The following RCBTB2 variants were observed in gnomAD, a reference collection of about 807,000 sequenced individuals.
The protein encoded by RCBTB2 is RCC1 and BTB domain containing protein 2, also known as RCC1 and BTB domain-containing protein 2.
A neutral mutation model predicts 65.4 loss-of-function variants in RCBTB2; 55 were observed. That is an observed-to-expected ratio of 0.84 (90% CI 0.68 to 1.05). The LOEUF (loss-of-function observed/expected upper bound fraction) is 1.05. RCBTB2 is among the 50% of genes least tolerant of loss of function. The probability of loss-of-function intolerance (pLI) is 0.00; values close to 1 mark genes in which losing one functional copy is unlikely to be tolerated. For missense variants in RCBTB2, 599 were observed against 680.1 expected, an observed-to-expected ratio of 0.88 and a Z score of 1.33; for synonymous variants, 220 against 255.2, an observed-to-expected ratio of 0.86 and a Z score of 1.31.
At chr13:48,502,261 C>T (rs188848952) in intron 11 of RCBTB2, among the ~76,000 whole-genome samples, 155 of 152,240 alleles carry the variant, frequency 1.0e-3, no homozygotes, top group Non-Finnish European at 1.7e-3. Flanking sequence ...GGGGCAGAGA[C>T]AGAAAGATGG....
chr13:48,502,353 C>T (rs907463976), intron 11 of RCBTB2, among the ~76,000 whole-genome samples: 1 of 151,798 alleles, frequency 6.6e-6, no homozygotes, highest in East Asian at 1.9e-4. Context: ...ATTAGCCAGG[C>T]ATGGTAATGG....
chr13:48,504,705 C>G (rs1312238065), intron 10 of RCBTB2, among the ~76,000 whole-genome samples: 1 of 152,222 alleles, frequency 6.6e-6, no homozygotes, highest in Non-Finnish European at 1.5e-5. Context: ...CTATGGGTCA[C>G]TTTACTGACT....
At chr13:48,520,688 A>T (rs1346082555) in intron 4 of RCBTB2, among the ~76,000 whole-genome samples, 1 of 152,212 alleles carries the variant, frequency 6.6e-6, no homozygotes, top group Non-Finnish European at 1.5e-5. Context: ...TGAGTGTGTG[A>T]TACCTGTATA....
chr13:48,512,685 T>C, intron 7 of RCBTB2, 44 bp downstream of exon 7: 1 of 1,530,426 alleles, frequency 6.5e-7, no homozygotes. Context: ...GTCTACATAA[T>C]CTTATTGAAA....
rs188133990 is a variant in RCBTB2, at chr13:48,505,046, C to A, written c.927-2132G>T. 6.6e-4 allele frequency among the ~76,000 whole-genome samples: 96 copies of A among 144,968 alleles called. 1 individual carries two copies. In the East Asian group the frequency reaches 0.01, roughly 16 times the overall value. On this transcript the variant is annotated intron_variant, in intron 10 of 14. Transcript: ENST00000344532. ...TCAAACCTAGGTTTGTTTTTTATTTCTTTCTTTTTTTTTTTTTTTCTTGCA... is the reference window on the plus strand; with the variant it reads ...TCAAACCTAGGTTTGTTTTTTATTTATTTCTTTTTTTTTTTTTTTCTTGCA...
intron 6 of RCBTB2, 33 bp downstream of exon 6, chr13:48,515,172 A>G: frequency 1.3e-6 from 2 of 1,596,160 alleles, no homozygotes; most frequent in Non-Finnish European, 1.7e-6. Flanking sequence ...GCTGCGAATA[A>G]AGCTGAAATT....
chr13:48,491,664 C>T (rs1949705814), intron 14 of RCBTB2: 2 of 152,196 alleles, frequency 1.3e-5, no homozygotes, highest in African/African-American at 2.4e-5. Context: ...ACACCACACA[C>T]ATTAGAGTGT....
chr13:48,502,154 T>C (rs1950265138), intron 11 of RCBTB2, among the ~76,000 whole-genome samples: 1 of 143,696 alleles, frequency 7.0e-6, no homozygotes, highest in South Asian at 2.1e-4. Context: ...GTAAATACGC[T>C]AGTTAAAAGT....
rs1950154230 is a variant in RCBTB2, at chr13:48,499,853, T to C, written c.1245-93A>G. On this transcript the variant is annotated intron_variant, in intron 12 of 14. Coordinates refer to ENST00000344532, the MANE Select transcript of RCBTB2 (RefSeq NM_001268.4). Reference sequence around the variant, plus strand: ...ACGTTCTTCTCTCGAAGGTGCACGCTGGCACGTCCCTGCTGTGGCTCCTCA... The same window carrying C: ...ACGTTCTTCTCTCGAAGGTGCACGCCGGCACGTCCCTGCTGTGGCTCCTCA... The C allele has an allele frequency of 4.2e-6, 6 of 1,422,018 alleles. No individual in the cohort carries two copies. In the South Asian group the frequency reaches 7.6e-5, roughly 18 times the overall value. 88.1% of individuals were successfully genotyped at this position (1,422,018 alleles called of 1,614,324 possible).
intron 4 of RCBTB2, among the ~76,000 whole-genome samples, chr13:48,518,879 C>A (rs944560865): frequency 6.6e-6 from 1 of 152,046 alleles, no homozygotes; most frequent in Non-Finnish European, 1.5e-5. Context: ...TTCTATGAGG[C>A]CTTCGTTTTT....
intron 4 of RCBTB2, among the ~76,000 whole-genome samples, chr13:48,517,096 G>A (rs1951133482): frequency 6.6e-6 from 1 of 152,098 alleles, no homozygotes; most frequent in Non-Finnish European, 1.5e-5. Flanking sequence ...TCCACCTTAG[G>A]AGAGCACAAG....
chr13:48,510,430 G>A (rs1950717615), intron 10 of RCBTB2, among the ~76,000 whole-genome samples, 199 bp downstream of exon 10: 1 of 152,146 alleles, frequency 6.6e-6, no homozygotes, highest in Non-Finnish European at 1.5e-5. Flanking sequence ...TGAAACATGG[G>A]TAAGTGAAAA....
intron 12 of RCBTB2, among the ~76,000 whole-genome samples, chr13:48,501,242 C>T (rs1419403285): frequency 1.3e-5 from 2 of 152,204 alleles, no homozygotes; most frequent in Non-Finnish European, 2.9e-5. Context: ...GCACACAGCT[C>T]ATTGCTCAAA....
intron 14 of RCBTB2, among the ~76,000 whole-genome samples, chr13:48,495,395 A>G (rs115187103): frequency 0.029 from 3,940 of 136,630 alleles, 154 homozygotes; most frequent in African/African-American, 0.13. Context: ...AAAAATAAAA[A>G]TAGGATAAGT....
intron 14 of RCBTB2, among the ~76,000 whole-genome samples, chr13:48,493,321 T>TCTCTCTCC (rs1949816585): frequency 8.6e-6 from 1 of 116,686 alleles, no homozygotes; most frequent in Non-Finnish European, 1.6e-5. Context: ...ACACACTCTC[T>TCTCTCTCC]CTCTCTCTCT....
At position 48,512,071 on chromosome 13, in the gene RCBTB2, A is replaced by G. The variant is rs758890195; in HGVS notation, c.620T>C (p.Val207Ala). The change falls in exon 8 of 15, where the codon GTT becomes GCT. Residue 207 changes from valine (V) to alanine (A), a missense_variant. By Grantham distance (64) the Val-to-Ala change is moderately conservative. Transcript: ENST00000344532. Reference protein sequence around the residue: ...RVTGCLQNKVVVTIACGQMCC... With the variant: ...RVTGCLQNKVAVTIACGQMCC... ...CATCTGCCCACATGCTATGGTCACAACTACTTTATTTTGTAGGCAGCCAGT... is the reference window on the plus strand; with the variant it reads ...CATCTGCCCACATGCTATGGTCACAGCTACTTTATTTTGTAGGCAGCCAGT... 1.2e-6 allele frequency: 2 copies of G among 1,614,254 alleles called. No individual in the cohort carries two copies. The highest frequency in any genetic ancestry group is 2.2e-5 in the South Asian group (2 of 91,090).
chr13:48,527,326 T>TATATATATATGATATATATATATATG (rs1555310607), intron 1 of RCBTB2, among the ~76,000 whole-genome samples: 3 of 132,134 alleles, frequency 2.3e-5, no homozygotes, highest in East Asian at 2.2e-4. Context: ...GGCTCATATA[T>TATATATATATGATATATATATATATG]ATATATATAT....
chr13:48,498,086 C>T (rs114453263), intron 13 of RCBTB2, among the ~76,000 whole-genome samples: 1,549 of 152,304 alleles, frequency 0.01, 28 homozygotes, highest in African/African-American at 0.036. Flanking sequence ...ACCCCACCAC[C>T]AATGTGCAGA....
chr13:48,515,119 G>C, intron 6 of RCBTB2, 86 bp downstream of exon 6: 2 of 1,215,006 alleles, frequency 1.6e-6, no homozygotes, highest in Admixed American at 2.2e-5. Flanking sequence ...TTCACAGGAA[G>C]AGCTAGCAAC....
Sources: gnomAD v4.1 joint callset for allele counts (sites outside exome capture counted in the v4.1 genomes callset) on GRCh38, gnomAD v4.1.1 for gene constraint, MANE v1.5 for transcripts, NCBI Gene and HGNC (gene_info 2026-07-23, HGNC 2026-07-21) for gene names.